Variants in RAD9A observed in about 807,000 individuals in gnomAD.
RAD9A encodes the protein cell cycle checkpoint control protein RAD9A.
RAD9A carries 25 observed loss-of-function variants against 41.2 expected under a neutral mutation model. The ratio of observed to expected loss-of-function variants is 0.61; its 90% confidence interval spans 0.44 to 0.85. RAD9A has a LOEUF of 0.85. Ranked by LOEUF, RAD9A falls within the 40% of genes least tolerant of loss-of-function variation. The pLI is 0.00. For synonymous variants in RAD9A, 252 were observed against 210.6 expected, an observed-to-expected ratio of 1.20 and a Z score of -1.70; for missense variants, 514 against 518.3, an observed-to-expected ratio of 0.99 and a Z score of 0.08.
At chr11:67,396,522 A>T in intron 9 of RAD9A, 122 bp downstream of exon 9, 1 of 1,281,852 alleles carries the variant, frequency 7.8e-7, no homozygotes, top group Non-Finnish European at 1.1e-6. Context: ...TCTTTCTATC[A>T]GGCCCCAGCC....
At chr11:67,396,710 G>A (rs1039925922) in intron 9 of RAD9A, among the ~76,000 whole-genome samples, 1 of 152,226 alleles carries the variant, frequency 6.6e-6, no homozygotes, top group Non-Finnish European at 1.5e-5. Context: ...GCTGCTGGGA[G>A]GCAGGAGCTG....
chr11:67,394,633 T>TC, intron 5 of RAD9A, among the ~76,000 whole-genome samples: 1 of 151,956 alleles, frequency 6.6e-6, no homozygotes, highest in East Asian at 1.9e-4. Context: ...TCTTTTTTTT[T>TC]TTTTTTTGAG....
rs560930788 is a variant in RAD9A at position 67,394,991 on chromosome 11, G to A, written c.450-725G>A. Among the ~76,000 whole-genome samples the A allele has an allele frequency of 1.6e-4, 24 of 151,270 alleles. 1 individual carries two copies. In the South Asian group the frequency reaches 4.4e-3, roughly 28 times the overall value. On this transcript the variant is annotated intron_variant, in intron 5 of 10. Transcript: ENST00000307980. Reference sequence around the variant, plus strand: ...GTCTCGCTCTGTCACCCAGGCTGGAGTGCAGTGGTGCAATCTTGGCTCACT... The same window carrying A: ...GTCTCGCTCTGTCACCCAGGCTGGAATGCAGTGGTGCAATCTTGGCTCACT...
intron 9 of RAD9A, among the ~76,000 whole-genome samples, 184 bp downstream of exon 9, chr11:67,396,584 G>A (rs1862706243): frequency 6.6e-6 from 1 of 152,174 alleles, no homozygotes; most frequent in Non-Finnish European, 1.5e-5. Flanking sequence ...AGCCTTCTCG[G>A]TTAGCTGTAC....
chr11:67,395,782 T>C lies in RAD9A; in HGVS notation c.516T>C (p.Arg172=), dbSNP rs1316996590. 6.2e-7 allele frequency: 1 copy of C among 1,613,888 alleles called. No individual in the cohort carries two copies. Among genetic ancestry groups the C allele is most frequent in the Non-Finnish European group, 8.5e-7 (1 of 1,179,974 alleles). ...CTGAAGTGACGCTGGGCATTGGCCG[T>C]GGCCGCAGGGTCATCCTGCGCAGCT... ...ALAEVTLGIG[R]GRRVILRSYH... Residue 172 remains arginine, a synonymous_variant, in exon 6 of 11, where the codon CGT becomes CGC. Transcript: ENST00000307980.
At chr11:67,396,237 T>C (rs764904163) in intron 8 of RAD9A, 26 bp from the exon 9 acceptor site, 42 of 1,613,754 alleles carry the variant, frequency 2.6e-5, no homozygotes, top group Non-Finnish European at 3.3e-5. Flanking sequence ...TGGGATGACC[T>C]AGCTTGGGCC....
chr11:67,393,323 C>T (rs1862586043), intron 3 of RAD9A, 173 bp from the exon 4 acceptor site: 9 of 1,352,104 alleles, frequency 6.7e-6, no homozygotes, highest in Non-Finnish European at 7.6e-6. Context: ...CAAGGCATTC[C>T]AAGCATAAGG....
In RAD9A at chr11:67,392,052, G is replaced by C. The variant is rs11575913; in HGVS notation, c.8G>C (p.Cys3Ser). Residue 3 changes from cysteine (C) to serine (S), a missense_variant, in exon 1 of 11, where the codon TGC becomes TCC. Around this residue, in one of 3 missense-constraint regions of RAD9A, gnomAD observed 268 missense variants for 279.3 expected, o/e 0.96. Coordinates refer to ENST00000307980, the MANE Select transcript of RAD9A (RefSeq NM_004584.3). MKCLVTGGNVKVL... is the reference protein window; with the variant it reads MKSLVTGGNVKVL... ...GCGGAGCGCTGGGGCAGCATGAAGT[G>C]CCTGGTCACGGGCGGCAACGTGAAG... The C allele has an allele frequency of 1.3e-6, 2 of 1,577,562 alleles. No individual in the cohort carries two copies. Among genetic ancestry groups the C allele is most frequent in the Admixed American group, 1.8e-5 (1 of 54,734 alleles).
In RAD9A at chr11:67,393,721, A is replaced by G. The variant is rs1862600319; in HGVS notation, c.380A>G (p.Gln127Arg). The G allele has an allele frequency of 6.2e-7, 1 of 1,613,302 alleles. No individual in the cohort carries two copies. ...GVRKTHNLSF[Q>R]DCESLQAVFD... ...CGGAAGACTCACAACCTGTCCTTCC[A>G]GGACTGTGAGTCCCTGCAGGCCGTC... Residue 127 changes from glutamine (Q) to arginine (R), a missense_variant, in exon 5 of 11, where the codon CAG becomes CGG. Physicochemically the swap from Gln to Arg is conservative, Grantham distance 43 (BLOSUM62 1). Coordinates refer to ENST00000307980, the MANE Select transcript of RAD9A (RefSeq NM_004584.3).
In RAD9A at chr11:67,393,559, T is replaced by G. The variant is rs2066492; in HGVS notation, c.298T>G (p.Ser100Ala). The G allele has an allele frequency of 8.4e-5, 135 of 1,614,184 alleles. 1 individual carries two copies. In the African/African-American group the frequency reaches 1.7e-3, roughly 20 times the overall value. ...LEKTVEKCCI[S>A]LNGRSSRLVV... Reference sequence around the variant, plus strand: ...GAAGACGGTGGAAAAATGCTGCATCTCCCTGAATGGCCGGAGCAGCCGCCT... The same window carrying G: ...GAAGACGGTGGAAAAATGCTGCATCGCCCTGAATGGCCGGAGCAGCCGCCT... Residue 100 changes from serine to alanine, a missense_variant, in exon 4 of 11, where the codon TCC (serine) becomes GCC (alanine). Physicochemically the swap from Ser to Ala is moderately conservative, Grantham distance 99. Around this residue, in one of 3 missense-constraint regions of RAD9A, gnomAD observed 268 missense variants for 279.3 expected, o/e 0.96. Transcript: ENST00000307980.
chr11:67,397,714 G>A lies in RAD9A; in HGVS notation c.*155G>A. On this transcript the variant is annotated 3_prime_UTR_variant, in exon 11 of 11. Transcript: ENST00000307980. ...TCGCAGGCCCCAGCTGGCTGTCACT[G>A]TAAAGCTGTCCCACAGCGGTCGGGC... The A allele has an allele frequency of 1.4e-6, 1 of 709,264 alleles. No individual in the cohort carries two copies. Among genetic ancestry groups the A allele is most frequent in the East Asian group, 2.7e-5 (1 of 36,806 alleles). 43.9% of individuals were successfully genotyped at this position (709,264 alleles called of 1,614,324 possible). A position where few individuals can be genotyped will look rare whatever the true frequency, so the allele number is the denominator to read the frequency against.
rs202196241 is a variant in RAD9A, at chr11:67,396,039, C to A, written c.669+18C>A. On this transcript the variant is annotated intron_variant, in intron 7 of 10. Coordinates refer to ENST00000307980, the MANE Select transcript of RAD9A (RefSeq NM_004584.3). ...AATTCCGGGTGAGGTTCCTCCCAGG[C>A]GCTCGCCGTCCTGTCCTCCCTGCCC... The A allele has an allele frequency of 6.2e-7, 1 of 1,613,792 alleles. No individual in the cohort carries two copies. The highest frequency in any genetic ancestry group is 2.2e-5 in the East Asian group (1 of 44,872).
Position 67,396,019 on chromosome 11 carries a change from C to T in RAD9A, c.667C>T (p.Arg223Trp), listed in dbSNP as rs1862683337. 8.1e-6 allele frequency: 13 copies of T among 1,613,992 alleles called. No homozygotes were observed. Among genetic ancestry groups the T allele is most frequent in the African/African-American group, 2.7e-5 (2 of 74,914 alleles). The part of the protein sequence containing the change: ...VAITFCLKEF[R>W]GLLSFAESAN... ...CATCACTTTCTGCCTCAAGGAATTC[C>T]GGGTGAGGTTCCTCCCAGGCGCTCG... The change falls in exon 7 of 11, where the codon CGG (arginine) becomes TGG (tryptophan). Residue 223 changes from arginine to tryptophan, a missense_variant and splice_region_variant. Physicochemically the swap from Arg to Trp is moderately radical, Grantham distance 101. Transcript: ENST00000307980.
intron 5 of RAD9A, among the ~76,000 whole-genome samples, chr11:67,394,735 C>G (rs914696982): frequency 1.3e-5 from 2 of 152,158 alleles, no homozygotes; most frequent in African/African-American, 4.8e-5. Context: ...CTGCCTCAGC[C>G]TCCCGAGTAG....
Position 67,392,673 on chromosome 11 carries a change from ACTC to A in RAD9A, c.130_132del (p.Ser44del). The A allele has an allele frequency of 2.5e-6, 4 of 1,613,122 alleles. No individual in the cohort carries two copies. Among genetic ancestry groups the A allele is most frequent in the Non-Finnish European group, 3.4e-6 (4 of 1,179,740 alleles). On this transcript the variant is annotated inframe_deletion, in exon 3 of 11. Coordinates refer to ENST00000307980, the MANE Select transcript of RAD9A (RefSeq NM_004584.3). ...GCCCAGCTCTCCCTCCGGACGGTGA[ACTC>A]CTCCCGCTCTGCCTATGCCTGCTTT...
Position 67,397,179 on chromosome 11 carries a change from C to T in RAD9A, c.873C>T (p.Ser291=), listed in dbSNP as rs756971817. ...HQPVPQLQAH[S]TPHPDDFAND... is the part of the protein sequence containing the mutation. ...CCTGATACTCCGATTCTGCCTACAG[C>T]ACACCCCACCCGGACGACTTTGCCA... The change falls in exon 10 of 11, where the codon AGC becomes AGT. Residue 291 remains serine, a splice_region_variant and synonymous_variant. Transcript: ENST00000307980. 1 of 1,610,926 alleles carries T rather than the reference C, an allele frequency of 6.2e-7. No individual in the cohort carries two copies. Among genetic ancestry groups the T allele is most frequent in the South Asian group, 1.1e-5 (1 of 90,986 alleles).
intron 8 of RAD9A, 35 bp from the exon 9 acceptor site, chr11:67,396,228 G>A: frequency 6.2e-7 from 1 of 1,614,044 alleles, no homozygotes; most frequent in Non-Finnish European, 8.5e-7. Context: ...GGAGCTGAAT[G>A]GGATGACCTA....
intron 8 of RAD9A, 29 bp downstream of exon 8, chr11:67,396,204 G>A: frequency 6.2e-7 from 1 of 1,614,054 alleles, no homozygotes; most frequent in Non-Finnish European, 8.5e-7. Flanking sequence ...ACAGGGAAGG[G>A]CTCTGGGATG....
In RAD9A at chr11:67,392,694, C is replaced by T. The variant is rs1010091607; in HGVS notation, c.146C>T (p.Ala49Val). The T allele has an allele frequency of 1.9e-6, 3 of 1,613,932 alleles. No homozygotes were observed. The highest frequency in any genetic ancestry group is 2.7e-5 in the African/African-American group (2 of 74,924). Residue 49 changes from alanine (A) to valine (V), a missense_variant, in exon 3 of 11, where the codon GCC becomes GTC. Around this residue, in one of 3 missense-constraint regions of RAD9A, gnomAD observed 268 missense variants for 279.3 expected, o/e 0.96. Transcript: ENST00000307980. ...GTGAACTCCTCCCGCTCTGCCTATG[C>T]CTGCTTTCTCTTTGCCCCGCTCTTC... ...RTVNSSRSAY[A>V]CFLFAPLFFQ...
Sources: gnomAD v4.1 joint callset for allele counts (sites outside exome capture counted in the v4.1 genomes callset) on GRCh38, gnomAD v4.1.1 for gene constraint, gnomAD v4.1.1 regional missense constraint, MANE v1.5 for transcripts, NCBI Gene and HGNC (gene_info 2026-07-23, HGNC 2026-07-21) for gene names.